The following GOLIM4 variants were observed in gnomAD, a reference collection of about 807,000 sequenced individuals.
GOLIM4 encodes golgi integral membrane protein 4, also known as 130 kDa golgi-localized phosphoprotein.
Under a neutral mutation model 107.4 loss-of-function variants are expected in GOLIM4, and 71 were observed. That is an observed-to-expected ratio of 0.66 (90% CI 0.55 to 0.81). The LOEUF (loss-of-function observed/expected upper bound fraction) is 0.81. Among genes scored for constraint, GOLIM4 ranks in the 30% least tolerant of loss-of-function variants. GOLIM4 has a pLI of 0.00. For missense variants in GOLIM4, 830 were observed against 826.1 expected (o/e 1.00, Z -0.06); for synonymous variants, 327 against 294.8 (o/e 1.11, Z -1.12).
intron 14 of GOLIM4, among the ~76,000 whole-genome samples, chr3:168,021,769 G>A (rs1560070654): frequency 6.6e-6 from 1 of 152,190 alleles, no homozygotes; most frequent in Non-Finnish European, 1.5e-5. Flanking sequence ...GCCAGTGAAG[G>A]TGAACAAATG....
intron 1 of GOLIM4, among the ~76,000 whole-genome samples, chr3:168,057,404 T>A (rs1300320181): frequency 6.6e-6 from 1 of 152,228 alleles, no homozygotes; most frequent in Admixed American, 6.5e-5. Flanking sequence ...GGGTAACTTA[T>A]GAACAAAAGA....
chr3:168,045,293 C>A (rs748163311), intron 3 of GOLIM4, among the ~76,000 whole-genome samples: 3 of 152,144 alleles, frequency 2.0e-5, no homozygotes, highest in Non-Finnish European at 4.4e-5. Context: ...GCGGGCCTCA[C>A]AAGCTGAGCA....
At chr3:168,048,806 A>G (rs1436111527) in intron 1 of GOLIM4, among the ~76,000 whole-genome samples, 1 of 152,176 alleles carries the variant, frequency 6.6e-6, no homozygotes, top group Non-Finnish European at 1.5e-5. Context: ...AATATTCCAT[A>G]AGTACTACAA....
rs942828041 is a variant in GOLIM4 at position 168,067,887 on chromosome 3, T to C, written c.188-19522A>G. ...CCCTGTATTATCGATATGCAAAATA[T>C]ACCTGATATTTATTGTGTGGGGCAG... On this transcript the variant is annotated intron_variant, in intron 1 of 15. Transcript: ENST00000470487. Among the ~76,000 whole-genome samples, 3 of 152,084 alleles carry C rather than the reference T, an allele frequency of 2.0e-5. No homozygotes were observed. In the East Asian group the frequency reaches 5.8e-4, roughly 29 times the overall value.
At chr3:168,044,912 A>C in intron 3 of GOLIM4, 31 bp from the exon 4 acceptor site, 2 of 1,294,104 alleles carry the variant, frequency 1.5e-6, no homozygotes, top group East Asian at 2.3e-5. Context: ...AGAAAACACA[A>C]AGATAAATAT....
intron 12 of GOLIM4, among the ~76,000 whole-genome samples, chr3:168,025,441 A>T (rs1292827690): frequency 6.8e-6 from 1 of 146,740 alleles, no homozygotes; most frequent in Non-Finnish European, 1.5e-5. Context: ...GACAAAAAAA[A>T]TACTAATTTA....
chr3:168,031,358 T>TGTTTGATGTGATGGGTTATCTAG, intron 9 of GOLIM4, among the ~76,000 whole-genome samples: 1 of 152,174 alleles, frequency 6.6e-6, no homozygotes, highest in South Asian at 2.1e-4. Context: ...AAGAGATAAA[T>TGTTTGATGTGATGGGTTATCTAG]GTTTGATGTG....
rs1457287979 is a variant in GOLIM4 at position 168,014,029 on chromosome 3, T to G, written c.1861-3206A>C. Among the ~76,000 whole-genome samples the G allele has an allele frequency of 1.4e-4, 19 of 137,454 alleles. No homozygotes were observed. The South Asian group carries it at 4.1e-3, about 30-fold the overall frequency. 90.2% of individuals were successfully genotyped at this position (137,454 alleles called of 152,430 possible). On this transcript the variant is annotated intron_variant, in intron 14 of 15. Coordinates refer to ENST00000470487, the MANE Select transcript of GOLIM4 (RefSeq NM_014498.5). ...TCAAAAGCTAGCAGAAGGCAAGAAA[T>G]AACTAAAATCAGAGCAGAACTGAAG...
chr3:168,014,280 G>A (rs1480669985), intron 14 of GOLIM4, among the ~76,000 whole-genome samples: 1 of 150,930 alleles, frequency 6.6e-6, no homozygotes, highest in Non-Finnish European at 1.5e-5. Context: ...AAATATACTA[G>A]AAAATCTAGA....
chr3:168,058,734 C>T (rs1720108174), intron 1 of GOLIM4, among the ~76,000 whole-genome samples: 1 of 152,114 alleles, frequency 6.6e-6, no homozygotes, highest in African/African-American at 2.4e-5. Flanking sequence ...GGAATAATAT[C>T]CTCCTCTTCC....
chr3:168,020,372 G>C (rs1403595489), intron 14 of GOLIM4, among the ~76,000 whole-genome samples: 3 of 152,126 alleles, frequency 2.0e-5, no homozygotes, highest in Admixed American at 2.0e-4. Flanking sequence ...TCTCTAAACA[G>C]TATGATCCTG....
chr3:168,023,728 G>A (rs1407817374), intron 14 of GOLIM4, among the ~76,000 whole-genome samples: 3 of 152,280 alleles, frequency 2.0e-5, no homozygotes, highest in South Asian at 2.1e-4. Context: ...CTAAATACAG[G>A]GTCTTGGCCT....
intron 8 of GOLIM4, among the ~76,000 whole-genome samples, chr3:168,036,177 G>A (rs775286062): frequency 6.6e-6 from 1 of 152,156 alleles, no homozygotes; most frequent in South Asian, 2.1e-4. Flanking sequence ...GAAAAACTCA[G>A]ATACTACAAC....
intron 1 of GOLIM4, among the ~76,000 whole-genome samples, chr3:168,074,537 T>C (rs551618294): frequency 6.6e-6 from 1 of 152,286 alleles, no homozygotes; most frequent in South Asian, 2.1e-4. Context: ...AGCAATCTTG[T>C]TACAGAAGTA....
At chr3:168,047,239 C>A (rs1286255910) in intron 2 of GOLIM4, among the ~76,000 whole-genome samples, 1 of 152,122 alleles carries the variant, frequency 6.6e-6, no homozygotes, top group Non-Finnish European at 1.5e-5. Context: ...CAAATTATAG[C>A]CAATTGATTA....
In GOLIM4 at chr3:168,014,216, C is replaced by G. The variant is rs1248593507; in HGVS notation, c.1861-3393G>C. Among the ~76,000 whole-genome samples the G allele has an allele frequency of 1.1e-3, 171 of 150,746 alleles. 2 individuals are homozygous for G. The highest frequency in any genetic ancestry group is 3.9e-3 in the African/African-American group (158 of 40,682). The stretch of plus-strand genomic sequence containing the variant: ...AAAATGATAAAGGGGATATCACCAC[C>G]GATCCCACAGAAATACAAACTACCA... On this transcript the variant is annotated intron_variant, in intron 14 of 15. Coordinates refer to ENST00000470487, the MANE Select transcript of GOLIM4 (RefSeq NM_014498.5).
chr3:168,064,962 A>G (rs576798874), intron 1 of GOLIM4, among the ~76,000 whole-genome samples: 23 of 148,646 alleles, frequency 1.5e-4, no homozygotes, highest in African/African-American at 5.0e-4. Context: ...CCAGAAGGGA[A>G]AAAAAAAAAG....
At chr3:168,053,986 G>A (rs1719793372) in intron 1 of GOLIM4, among the ~76,000 whole-genome samples, 1 of 152,158 alleles carries the variant, frequency 6.6e-6, no homozygotes, top group Non-Finnish European at 1.5e-5. Flanking sequence ...AAGTAGGGAA[G>A]GACATCGCTA....
At chr3:168,011,028 T>C (rs1396427321) in intron 14 of GOLIM4, among the ~76,000 whole-genome samples, 2 of 152,038 alleles carry the variant, frequency 1.3e-5, no homozygotes, top group African/African-American at 4.8e-5. Context: ...TGAAGAAATG[T>C]ATAAGGGAGG....
Sources: gnomAD v4.1 joint callset for allele counts (sites outside exome capture counted in the v4.1 genomes callset) on GRCh38, gnomAD v4.1.1 for gene constraint, MANE v1.5 for transcripts, NCBI Gene and HGNC (gene_info 2026-07-23, HGNC 2026-07-21) for gene names.